The following ZNF658 variants were observed in gnomAD, a reference collection of about 807,000 sequenced individuals.
ZNF658 encodes the protein zinc finger protein 658.
A neutral mutation model predicts 78.0 loss-of-function variants in ZNF658; 46 were observed. That is an observed-to-expected ratio of 0.59 (90% CI 0.47 to 0.75). ZNF658 has a LOEUF of 0.75. ZNF658 is among the 30% of genes least tolerant of loss of function. ZNF658 has a pLI of 0.00. For missense variants in ZNF658, 785 were observed against 1,189.3 expected (o/e 0.66, Z 5.00); for synonymous variants, 279 against 408.4 (o/e 0.68, Z 3.82).
intron 6 of ZNF658, among the ~76,000 whole-genome samples, chr9:66,929,055 G>A (rs1351316603): frequency 6.6e-6 from 1 of 152,046 alleles, no homozygotes. Context: ...CAGAGACAGA[G>A]GGGTGTGACA....
At position 66,918,264 on chromosome 9, in the gene ZNF658, C is replaced by T. The variant is rs566322393; in HGVS notation, c.698C>T (p.Pro233Leu). The change falls in exon 5 of 5, where the codon CCT (proline) becomes CTT (leucine). Residue 233 changes from proline (P) to leucine (L), a missense_variant. Pro to Leu is a moderately conservative substitution (Grantham distance 98). This residue lies in a region of ZNF658 where 393 missense variants were observed against 400.2 expected (regional missense o/e 0.98). Coordinates refer to ENST00000621410, the MANE Select transcript of ZNF658 (RefSeq NM_033160.7). ...TATGATAAGACAATTTGTATTACAC[C>T]TCAGAGTTTTCTAACAGGAGAAAAG... is the stretch of plus-strand genomic sequence containing the variant. ...GLYDKTICIT[P>L]QSFLTGEKSC... is the part of the protein sequence containing the mutation. 10 of 1,612,972 alleles carry T rather than the reference C, an allele frequency of 6.2e-6. No individual in the cohort carries two copies. In the African/African-American group the frequency reaches 8.0e-5, roughly 13 times the overall value.
chr9:66,907,431 C>T (rs1453478517), intron 2 of ZNF658, among the ~76,000 whole-genome samples: 2 of 152,114 alleles, frequency 1.3e-5, no homozygotes, highest in African/African-American at 2.4e-5. Flanking sequence ...TAGTCATCAT[C>T]CTGTGCAATA....
chr9:66,914,249 A>T lies in ZNF658; in HGVS notation c.239-3556A>T, dbSNP rs1026959567. ...GAACACAGATAACGAGGCTTTTTTA[A>T]TTTTTGTTTTTAATTTTGTTTTGGT... On this transcript the variant is annotated intron_variant, in intron 4 of 4. Coordinates refer to ENST00000621410, the MANE Select transcript of ZNF658 (RefSeq NM_033160.7). Among the ~76,000 whole-genome samples, 9 of 149,728 alleles carry T rather than the reference A, an allele frequency of 6.0e-5. 1 individual carries two copies. The highest frequency in any genetic ancestry group is 6.0e-4 in the Admixed American group (9 of 15,050).
At chr9:66,922,116 G>A (rs202222214), downstream of ZNF658, among the ~76,000 whole-genome samples, 50,503 of 125,752 alleles carry the variant, frequency 0.4, 11,190 homozygotes, top group Middle Eastern at 0.66. Context: ...TGCTAGCAGC[G>A]AGCAAGGCTC....
rs532093685 is a variant in ZNF658 at position 66,907,988 on chromosome 9, G to A, written c.16-250G>A. Among the ~76,000 whole-genome samples the A allele has an allele frequency of 2.6e-4, 39 of 151,096 alleles. No individual in the cohort carries two copies. In the East Asian group the frequency reaches 6.4e-3, roughly 25 times the overall value. On this transcript the variant is annotated intron_variant, in intron 2 of 4. Coordinates refer to ENST00000621410, the MANE Select transcript of ZNF658 (RefSeq NM_033160.7). The stretch of plus-strand genomic sequence containing the variant: ...GGAGATGTGGAAGAAGGAAGGAGGT[G>A]GTTGGAAGGAAGTTGTTTTACATTG...
intron 4 of ZNF658, among the ~76,000 whole-genome samples, chr9:66,916,287 T>C (rs1822334013): frequency 6.6e-6 from 1 of 152,222 alleles, no homozygotes; most frequent in African/African-American, 2.4e-5. Context: ...CTTCAAAATA[T>C]CTCATTTGAG....
chr9:66,911,225 T>C (rs1822208685), intron 4 of ZNF658, among the ~76,000 whole-genome samples: 1 of 113,552 alleles, frequency 8.8e-6, no homozygotes, highest in African/African-American at 3.7e-5. Flanking sequence ...AAATAGAGTA[T>C]ACTATTAGTC....
chr9:66,910,056 G>C (rs1050822687), intron 4 of ZNF658, among the ~76,000 whole-genome samples: 3 of 152,128 alleles, frequency 2.0e-5, no homozygotes, highest in African/African-American at 7.2e-5. Flanking sequence ...AAAGATATCA[G>C]TACTACTGGA....
At chr9:66,931,511 T>C (rs972021293) in intron 6 of ZNF658, among the ~76,000 whole-genome samples, 1 of 152,044 alleles carries the variant, frequency 6.6e-6, no homozygotes. Flanking sequence ...AGTAGAACCA[T>C]AGAACATTTA....
At chr9:66,906,193 A>G (rs967200537) in intron 2 of ZNF658, among the ~76,000 whole-genome samples, 22 of 141,746 alleles carry the variant, frequency 1.6e-4, no homozygotes, top group Admixed American at 8.8e-4. Context: ...CATTCCTTCA[A>G]CAGACATCCA....
At position 66,903,273 on chromosome 9, in the gene ZNF658, G is replaced by A. The variant is rs1329679263; in HGVS notation, c.-44-245G>A. ...ATTCAGGTGTGGCTATCTTTGAGTG[G>A]TCCTTCTTGTCCCTTTTCAAGAGTC... On this transcript the variant is annotated intron_variant, in intron 1 of 4. Coordinates refer to ENST00000621410, the MANE Select transcript of ZNF658 (RefSeq NM_033160.7). 8 of 420,396 alleles carry A rather than the reference G, an allele frequency of 1.9e-5. No individual in the cohort carries two copies. The East Asian group carries it at 2.5e-4, about 13-fold the overall frequency. The allele number at this position is 420,396 out of a possible 1,614,324, so 26.0% of individuals were successfully genotyped here.
At chr9:66,908,593 T>C (rs1435512388) in intron 3 of ZNF658, 46 bp from the exon 4 acceptor site, 3 of 1,544,868 alleles carry the variant, frequency 1.9e-6, no homozygotes. Flanking sequence ...CCTTTGGAAA[T>C]CCAAAAGCCT....
chr9:66,917,923 A>G lies in ZNF658; in HGVS notation c.357A>G (p.Leu119=). 2 of 1,611,030 alleles carry G rather than the reference A, an allele frequency of 1.2e-6. No individual in the cohort carries two copies. Among genetic ancestry groups the G allele is most frequent in the Non-Finnish European group, 1.7e-6 (2 of 1,179,644 alleles). ...TGAGTAAAGAAGGACAGAAAGTTTT[A>G]GAAAAACCATTTAATCTGGAAATAG... ...KTLSKEGQKV[L]EKPFNLEIAP... is the part of the protein sequence containing the mutation. The change falls in exon 5 of 5, where the codon TTA becomes TTG. Residue 119 remains leucine (L), a synonymous_variant. Transcript: ENST00000621410.
intron 2 of ZNF658, among the ~76,000 whole-genome samples, chr9:66,905,516 G>C (rs1209749596): frequency 1.3e-5 from 2 of 151,734 alleles, no homozygotes; most frequent in Non-Finnish European, 2.9e-5. Flanking sequence ...TCTCTATTCT[G>C]TTAGTCTATT....
In ZNF658 at chr9:66,918,239, TATG is replaced by T. The variant is rs1253337039; in HGVS notation, c.676_678del (p.Asp226del). The T allele has an allele frequency of 6.2e-7, 1 of 1,605,972 alleles. No individual in the cohort carries two copies. The highest frequency in any genetic ancestry group is 1.3e-5 in the African/African-American group (1 of 74,444). The stretch of plus-strand genomic sequence containing the variant: ...ATGTGATGGATCTGGACAAGGTTTA[TATG>T]ATAAGACAATTTGTATTACACCTCA... On this transcript the variant is annotated inframe_deletion, in exon 5 of 5. Coordinates refer to ENST00000621410, the MANE Select transcript of ZNF658 (RefSeq NM_033160.7).
chr9:66,901,010 CG>C (rs1821940517), intron 1 of ZNF658, 174 bp downstream of exon 1: 1 of 152,348 alleles, frequency 6.6e-6, no homozygotes, highest in Non-Finnish European at 1.5e-5. Context: ...TAGGGGCTGC[CG>C]GGCCCCGCGG....
downstream of ZNF658, among the ~76,000 whole-genome samples, chr9:66,925,917 T>C (rs1326260693): frequency 6.9e-6 from 1 of 145,890 alleles, no homozygotes; most frequent in Non-Finnish European, 1.5e-5. Context: ...TATCCCTGAG[T>C]TGCAGGGATG....
chr9:66,919,229 TTC>T lies in ZNF658; in HGVS notation c.1668_1669del (p.His557GlnfsTer18). 4.9e-6 allele frequency: 3 copies of T among 614,834 alleles called. No homozygotes were observed. Among genetic ancestry groups the T allele is most frequent in the Non-Finnish European group, 7.7e-6 (3 of 389,308 alleles). 38.1% of individuals were successfully genotyped at this position (614,834 alleles called of 1,614,324 possible). A position where few individuals can be genotyped will look rare whatever the true frequency, so the allele number is the denominator to read the frequency against. On this transcript the variant is annotated frameshift_variant, in exon 5 of 5. Coordinates refer to ENST00000621410, the MANE Select transcript of ZNF658 (RefSeq NM_033160.7). LOFTEE classifies it high-confidence loss of function. ...PYECVECEKT[F>X]SHKTHLSVHQ... ...TGAATGTGTTGAATGTGAGAAAACT[TTC>T]TCTCACAAGACACACCTCAGTGTAC... is the stretch of plus-strand genomic sequence containing the variant.
chr9:66,925,587 T>A (rs889123009), downstream of ZNF658, among the ~76,000 whole-genome samples: 1 of 151,740 alleles, frequency 6.6e-6, no homozygotes, highest in African/African-American at 2.4e-5. Flanking sequence ...GGAGATCAAA[T>A]CAGTAATAAA....
Sources: allele counts gnomAD v4.1 joint callset (sites outside exome capture counted in the v4.1 genomes callset), GRCh38; gene constraint gnomAD v4.1.1; regional missense constraint gnomAD v4.1.1; transcripts MANE v1.5; gene names NCBI Gene and HGNC (gene_info 2026-07-23, HGNC 2026-07-21).